SLC45A2: variants seen among roughly 807,000 people sequenced by gnomAD.
The protein encoded by SLC45A2 is solute carrier family 45 member 2.
SLC45A2 carries 36 observed loss-of-function variants against 45.5 expected under a neutral mutation model. The observed-to-expected ratio is 0.79, with a 90% confidence interval of 0.61 to 1.04. SLC45A2 has a LOEUF of 1.04. Ranked by LOEUF, SLC45A2 falls within the 50% of genes least tolerant of loss-of-function variation. The pLI is 0.00. For missense variants in SLC45A2, 719 were observed against 671.0 expected (o/e 1.07, Z -0.79); for synonymous variants, 306 against 269.3 (o/e 1.14, Z -1.33).
chr5:33,974,130 A>G (rs1263247763), intron 2 of SLC45A2, among the ~76,000 whole-genome samples: 1 of 152,182 alleles, frequency 6.6e-6, no homozygotes, highest in Non-Finnish European at 1.5e-5. Context: ...CCTGGTGAGT[A>G]CCACTCTGTT....
rs536708718 is a variant in SLC45A2, at chr5:33,973,418, C to G, written c.562+8818G>C. Among the ~76,000 whole-genome samples the G allele has an allele frequency of 5.9e-5, 9 of 152,226 alleles. No homozygotes were observed. In the East Asian group the frequency reaches 1.7e-3, roughly 29 times the overall value. Reference sequence around the variant, plus strand: ...ATGTGAAAGTCTACCATGGGTGGAACTTCAAAGGTTTTGTTTGATGAAACA... The same window carrying G: ...ATGTGAAAGTCTACCATGGGTGGAAGTTCAAAGGTTTTGTTTGATGAAACA... On this transcript the variant is annotated intron_variant, in intron 2 of 6. Transcript: ENST00000296589.
intron 6 of SLC45A2, chr5:33,946,092 G>A: frequency 5.1e-6 from 5 of 985,386 alleles, no homozygotes; most frequent in African/African-American, 1.7e-5. Flanking sequence ...CAGCTTCCAA[G>A]TGAGAGAGGC....
intron 2 of SLC45A2, among the ~76,000 whole-genome samples, chr5:33,976,031 T>C (rs1348193020): frequency 1.3e-5 from 2 of 152,224 alleles, no homozygotes; most frequent in Non-Finnish European, 2.9e-5. Context: ...CTCTGACATC[T>C]AGCAGCTCAC....
At chr5:33,975,986 T>C (rs746525577) in intron 2 of SLC45A2, among the ~76,000 whole-genome samples, 5 of 152,138 alleles carry the variant, frequency 3.3e-5, no homozygotes, top group Non-Finnish European at 7.3e-5. Flanking sequence ...AGGCAATACA[T>C]CCTTAAAGCT....
At chr5:33,976,148 T>C (rs1213299621) in intron 2 of SLC45A2, among the ~76,000 whole-genome samples, 3 of 152,150 alleles carry the variant, frequency 2.0e-5, no homozygotes, top group Admixed American at 6.5e-5. Context: ...AAACAACCCC[T>C]TCCTAATCAC....
At position 33,944,774 on chromosome 5, in the gene SLC45A2, C is replaced by T; in HGVS notation, c.1467G>A (p.Leu489=). 1.9e-6 allele frequency: 3 copies of T among 1,614,218 alleles called. No homozygotes were observed. Among genetic ancestry groups the T allele is most frequent in the Non-Finnish European group, 2.5e-6 (3 of 1,180,038 alleles). ...CCAGAAAGCCCAGGCCACCTCCGAC[C>T]AGGATCTGAGCCAGCTGCACCATGC... ...LTCMVQLAQI[L]VGGGLGFLVN... is the part of the protein sequence containing the mutation. Residue 489 remains leucine, a synonymous_variant, in exon 7 of 7, where the codon CTG becomes CTA. Coordinates refer to ENST00000296589, the MANE Select transcript of SLC45A2 (RefSeq NM_016180.5).
chr5:33,956,390 C>T (rs528899384), intron 3 of SLC45A2, among the ~76,000 whole-genome samples: 14 of 152,196 alleles, frequency 9.2e-5, no homozygotes, highest in African/African-American at 2.6e-4. Context: ...CAATGGCTAC[C>T]GAGAGGTAGA....
chr5:33,949,470 C>T (rs769358294), intron 5 of SLC45A2, among the ~76,000 whole-genome samples: 3 of 152,012 alleles, frequency 2.0e-5, no homozygotes, highest in Non-Finnish European at 4.4e-5. Flanking sequence ...TGGCAAATAC[C>T]CAGAAATGAG....
rs371152353 is a variant in SLC45A2 at position 33,947,384 on chromosome 5, G to T, written c.1157-10C>A. 9.3e-6 allele frequency: 15 copies of T among 1,611,832 alleles called. No homozygotes were observed. Among genetic ancestry groups the T allele is most frequent in the African/African-American group, 1.3e-5 (1 of 74,876 alleles). On this transcript the variant is annotated splice_polypyrimidine_tract_variant and intron_variant, in intron 5 of 6. Coordinates refer to ENST00000296589, the MANE Select transcript of SLC45A2 (RefSeq NM_016180.5). ...AAAACTTTCTGAAAGTCTGTGGGAA[G>T]AAGAGAGGGAGAAATTACAGCTGGC...
At chr5:33,952,526 A>AG (rs1752140865) in intron 4 of SLC45A2, among the ~76,000 whole-genome samples, 1 of 151,946 alleles carries the variant, frequency 6.6e-6, no homozygotes, top group Non-Finnish European at 1.5e-5. Flanking sequence ...TAGTAAATCC[A>AG]AGTCACAGTA....
intron 2 of SLC45A2, among the ~76,000 whole-genome samples, chr5:33,966,427 CTTTTTTTTTTTTT>C (rs367752652): frequency 1.1e-5 from 1 of 95,196 alleles, no homozygotes. Flanking sequence ...AAGCTACTTT[CTTTTTTTTTTTTT>C]TTTTTTTTTT....
intron 2 of SLC45A2, among the ~76,000 whole-genome samples, chr5:33,974,016 C>T (rs1267543288): frequency 3.3e-5 from 5 of 152,220 alleles, no homozygotes; most frequent in Non-Finnish European, 7.3e-5. Context: ...CCCAGCCTCC[C>T]GCCAAGCAAG....
intron 3 of SLC45A2, among the ~76,000 whole-genome samples, chr5:33,961,844 G>C (rs554994547): frequency 1.3e-5 from 2 of 152,278 alleles, no homozygotes; most frequent in African/African-American, 4.8e-5. Flanking sequence ...ACAAGACGGG[G>C]GGTATTAGTG....
intron 2 of SLC45A2, 137 bp from the exon 3 acceptor site, chr5:33,964,153 A>C: frequency 1.1e-6 from 1 of 873,908 alleles, no homozygotes; most frequent in Non-Finnish European, 1.8e-6. Flanking sequence ...AAAGCAATAC[A>C]GCAAGAGGCT....
At chr5:33,948,443 A>G (rs1226003475) in intron 5 of SLC45A2, among the ~76,000 whole-genome samples, 1 of 152,220 alleles carries the variant, frequency 6.6e-6, no homozygotes, top group Non-Finnish European at 1.5e-5. Context: ...AGGATAAATA[A>G]CAGATACTTG....
At chr5:33,968,309 C>T (rs1752666160) in intron 2 of SLC45A2, among the ~76,000 whole-genome samples, 2 of 152,182 alleles carry the variant, frequency 1.3e-5, no homozygotes, top group African/African-American at 4.8e-5. Flanking sequence ...ATTTTACCAC[C>T]TCCCACACCT....
Position 33,984,236 on chromosome 5 carries a change from G to A in SLC45A2, c.348C>T (p.Gly116=), listed in dbSNP as rs748274607. ...ILTLGVMMLV[G]MALYLNGATV... is the part of the protein sequence containing the mutation. Reference sequence around the variant, plus strand: ...TAGCCCCATTGAGGTACAGAGCCATGCCCACGAGCATCATGACTCCCAGGG... The same window carrying A: ...TAGCCCCATTGAGGTACAGAGCCATACCCACGAGCATCATGACTCCCAGGG... Residue 116 remains glycine (G), a synonymous_variant, in exon 1 of 7, where the codon GGC becomes GGT. Coordinates refer to ENST00000296589, the MANE Select transcript of SLC45A2 (RefSeq NM_016180.5). The A allele has an allele frequency of 6.2e-7, 1 of 1,614,098 alleles. No individual in the cohort carries two copies. The highest frequency in any genetic ancestry group is 1.7e-5 in the Admixed American group (1 of 60,020).
intron 6 of SLC45A2, chr5:33,945,851 A>AAAT: frequency 1.5e-6 from 1 of 676,192 alleles, no homozygotes. Context: ...TAAGAAAGGA[A>AAAT]AATAAGAAAA....
intron 2 of SLC45A2, among the ~76,000 whole-genome samples, chr5:33,977,327 G>C (rs940208977): frequency 6.6e-6 from 1 of 152,200 alleles, no homozygotes; most frequent in Non-Finnish European, 1.5e-5. Context: ...CCCAGGAGGA[G>C]ATGAAAATTC....
Sources: allele counts gnomAD v4.1 joint callset (sites outside exome capture counted in the v4.1 genomes callset), GRCh38; gene constraint gnomAD v4.1.1; transcripts MANE v1.5; gene names NCBI Gene and HGNC (gene_info 2026-07-23, HGNC 2026-07-21).